Variants in ZNF33B observed in about 807,000 individuals in gnomAD.
The protein encoded by ZNF33B is zinc finger protein 33B, also known as zinc finger protein 11b (KOX 2).
ZNF33B carries 29 observed loss-of-function variants against 45.8 expected under a neutral mutation model. That is an observed-to-expected ratio of 0.63 (90% confidence interval 0.47 to 0.86). The LOEUF is 0.86. Ranked by LOEUF, ZNF33B falls within the 40% of genes least tolerant of loss-of-function variation. The pLI is 0.00. For synonymous variants in ZNF33B, 305 were observed against 307.8 expected, an observed-to-expected ratio of 0.99 and a Z score of 0.10; for missense variants, 831 against 909.9, an observed-to-expected ratio of 0.91 and a Z score of 1.12.
chr10:42,620,508 T>C (rs1327754842), intron 4 of ZNF33B, among the ~76,000 whole-genome samples: 4 of 151,800 alleles, frequency 2.6e-5, no homozygotes, highest in Middle Eastern at 6.8e-3. Flanking sequence ...GCTCAAGGGA[T>C]CCTCCTGCCT....
chr10:42,588,642 C>T (rs1836985491), downstream of ZNF33B, among the ~76,000 whole-genome samples: 1 of 152,174 alleles, frequency 6.6e-6, no homozygotes. Flanking sequence ...ACATGCCGGG[C>T]AGAGCCACAA....
intron 1 of ZNF33B, among the ~76,000 whole-genome samples, chr10:42,576,394 T>C (rs1836750077): frequency 6.6e-6 from 1 of 152,228 alleles, no homozygotes; most frequent in Admixed American, 6.5e-5. Context: ...TGAAGCTCTA[T>C]GGATCTGTGA....
chr10:42,616,041 T>C (rs1277473416), intron 4 of ZNF33B, among the ~76,000 whole-genome samples: 2 of 151,790 alleles, frequency 1.3e-5, no homozygotes, highest in African/African-American at 2.4e-5. Context: ...CTGGCCAACA[T>C]GGTGAAAATA....
intron 1 of ZNF33B, among the ~76,000 whole-genome samples, chr10:42,578,995 A>G (rs41462444): frequency 0.022 from 3,408 of 152,254 alleles, 96 homozygotes; most frequent in Admixed American, 0.095. Context: ...TTTGCTACAC[A>G]GATCTTCAGT....
At chr10:42,638,002 A>G (rs758944610) in intron 1 of ZNF33B, among the ~76,000 whole-genome samples, 33 of 152,204 alleles carry the variant, frequency 2.2e-4, no homozygotes, top group Admixed American at 7.2e-4. Flanking sequence ...TCAAGTTAGG[A>G]CAGAGGAACA....
chr10:42,581,748 T>C (rs571686901), intron 1 of ZNF33B: 3 of 152,332 alleles, frequency 2.0e-5, no homozygotes, highest in African/African-American at 7.2e-5. Context: ...TCAACAGGTA[T>C]TGCTTGTCTT....
At chr10:42,620,619 A>T (rs1838532292) in intron 4 of ZNF33B, among the ~76,000 whole-genome samples, 1 of 151,782 alleles carries the variant, frequency 6.6e-6, no homozygotes, top group African/African-American at 2.4e-5. Flanking sequence ...TTTGTAGACC[A>T]GGCTGGTCTC....
intron 4 of ZNF33B, among the ~76,000 whole-genome samples, chr10:42,629,234 A>T (rs1249173395): frequency 2.0e-5 from 3 of 152,180 alleles, no homozygotes; most frequent in Non-Finnish European, 2.9e-5. Context: ...GTAAAAATTA[A>T]AACAACTGAA....
chr10:42,631,881 A>G (rs753629289), intron 4 of ZNF33B, 48 bp downstream of exon 4: 1 of 1,533,208 alleles, frequency 6.5e-7, no homozygotes, highest in East Asian at 2.2e-5. Flanking sequence ...AACTACTGGG[A>G]AACAACAAAT....
At position 42,575,796 on chromosome 10, in the gene ZNF33B, T is replaced by A. The variant is rs558403278; in HGVS notation, c.74-1118A>T. Among the ~76,000 whole-genome samples, 34 of 150,850 alleles carry A rather than the reference T, an allele frequency of 2.3e-4. 1 individual carries two copies. The South Asian group carries it at 6.7e-3, about 30-fold the overall frequency. On this transcript the variant is annotated intron_variant, in intron 1 of 1. Transcript: ENST00000462075. ...CCCAAGCTGGAGTGCACTAGAGCAA[T>A]CTCAGCTCACCACGACATCTGCTTC...
chr10:42,621,544 A>T (rs116174796), intron 4 of ZNF33B, among the ~76,000 whole-genome samples: 2,631 of 144,312 alleles, frequency 0.018, 79 homozygotes, highest in African/African-American at 0.066. Context: ...CAATGTTTTT[A>T]AAAAAAAAAA....
chr10:42,580,376 G>A (rs1363101058), intron 1 of ZNF33B, among the ~76,000 whole-genome samples: 1 of 152,034 alleles, frequency 6.6e-6, no homozygotes, highest in Non-Finnish European at 1.5e-5. Flanking sequence ...AAGTAGCTGG[G>A]ATTACAGGTA....
chr10:42,638,448 T>C, intron 1 of ZNF33B, 26 bp downstream of exon 1: 1 of 373,090 alleles, frequency 2.7e-6, no homozygotes, highest in East Asian at 8.9e-5. Flanking sequence ...CCCCTCTCCG[T>C]CCCTGCCCAA....
intron 4 of ZNF33B, among the ~76,000 whole-genome samples, chr10:42,630,751 G>A (rs574231748): frequency 3.1e-4 from 47 of 152,298 alleles, no homozygotes; most frequent in African/African-American, 1.1e-3. Context: ...CTACAGAGGT[G>A]AGAAAGATCT....
chr10:42,604,921 CAAAAA>C (rs199627927), intron 4 of ZNF33B, among the ~76,000 whole-genome samples: 2 of 92,330 alleles, frequency 2.2e-5, no homozygotes, highest in Non-Finnish European at 4.6e-5. Context: ...AATTTCATCT[CAAAAA>C]AAAAAAAAGA....
At chr10:42,584,057 C>G (rs1163127699) in intron 1 of ZNF33B, among the ~76,000 whole-genome samples, 1 of 152,234 alleles carries the variant, frequency 6.6e-6, no homozygotes, top group East Asian at 1.9e-4. Context: ...CATTGGTCAT[C>G]TGTACCAGCC....
At chr10:42,577,405 C>A (rs778722082) in intron 1 of ZNF33B, among the ~76,000 whole-genome samples, 1 of 152,128 alleles carries the variant, frequency 6.6e-6, no homozygotes, top group Admixed American at 6.6e-5. Flanking sequence ...TCTTTCCTAC[C>A]GTCTCCTTCT....
rs1306150644 is a variant in ZNF33B at position 42,602,635 on chromosome 10, T to G, written c.251-7936A>C. 4.6e-5 allele frequency among the ~76,000 whole-genome samples: 7 copies of G among 152,284 alleles called. No individual in the cohort carries two copies. In the East Asian group the frequency reaches 1.4e-3, roughly 29 times the overall value. On this transcript the variant is annotated intron_variant, in intron 4 of 4. Transcript: ENST00000359467. ...CAATGTGACACTTTCAGGTCTTGCTTTTATGATTTCTTAGGCAAATCTGGA... is the reference window on the plus strand; with the variant it reads ...CAATGTGACACTTTCAGGTCTTGCTGTTATGATTTCTTAGGCAAATCTGGA...
chr10:42,596,472 A>G (rs371122374), intron 4 of ZNF33B, among the ~76,000 whole-genome samples: 1 of 152,296 alleles, frequency 6.6e-6, no homozygotes, highest in South Asian at 2.1e-4. Context: ...TTAGAATTAC[A>G]TACTCAATTA....
Sources: gnomAD v4.1 joint callset for allele counts (sites outside exome capture counted in the v4.1 genomes callset) on GRCh38, gnomAD v4.1.1 for gene constraint, MANE v1.5 for transcripts, NCBI Gene and HGNC (gene_info 2026-07-23, HGNC 2026-07-21) for gene names.